CPE: variants seen among roughly 807,000 people sequenced by gnomAD.
The protein encoded by CPE is carboxypeptidase E.
A neutral mutation model predicts 53.5 loss-of-function variants in CPE; 17 were observed. The ratio of observed to expected loss-of-function variants is 0.32; its 90% CI spans 0.22 to 0.48. CPE has a LOEUF of 0.48. Among genes scored for constraint, CPE ranks in the 20% least tolerant of loss-of-function variants. The pLI is 0.99. For synonymous variants in CPE, 226 were observed against 228.8 expected, an observed-to-expected ratio of 0.99 and a Z score of 0.11; for missense variants, 524 against 614.7, an observed-to-expected ratio of 0.85 and a Z score of 1.56.
chr4:165,438,468 C>T (rs1731550524), intron 1 of CPE, among the ~76,000 whole-genome samples: 1 of 152,068 alleles, frequency 6.6e-6, no homozygotes, highest in South Asian at 2.1e-4. Context: ...GGCACAATTT[C>T]CCCCTCCATT....
chr4:165,486,234 G>A (rs575762593), intron 5 of CPE, among the ~76,000 whole-genome samples: 1 of 152,082 alleles, frequency 6.6e-6, no homozygotes, highest in African/African-American at 2.4e-5. Flanking sequence ...AGCTCTAACA[G>A]CCAACACCTG....
At chr4:165,401,245 C>T (rs1318851805) in intron 1 of CPE, among the ~76,000 whole-genome samples, 2 of 152,194 alleles carry the variant, frequency 1.3e-5, no homozygotes, top group Non-Finnish European at 2.9e-5. Flanking sequence ...CTTCGTTACA[C>T]GCCTTTTCCA....
chr4:165,488,784 A>G (rs893112115), intron 6 of CPE, among the ~76,000 whole-genome samples: 2 of 152,188 alleles, frequency 1.3e-5, no homozygotes, highest in African/African-American at 4.8e-5. Flanking sequence ...TTTCTCCACC[A>G]TTGCAAGGCT....
chr4:165,387,997 A>G (rs998806068), intron 1 of CPE, among the ~76,000 whole-genome samples: 2 of 152,194 alleles, frequency 1.3e-5, no homozygotes, highest in African/African-American at 2.4e-5. Context: ...TATTTGCTCA[A>G]TGTAGGCAAC....
chr4:165,412,163 G>C (rs1398458566), intron 1 of CPE, among the ~76,000 whole-genome samples: 2 of 152,076 alleles, frequency 1.3e-5, no homozygotes, highest in African/African-American at 4.8e-5. Context: ...TGTTTGAAAG[G>C]GTAAAGCACA....
intron 1 of CPE, among the ~76,000 whole-genome samples, chr4:165,383,761 G>A (rs887132093): frequency 1.3e-5 from 2 of 152,160 alleles, no homozygotes; most frequent in African/African-American, 2.4e-5. Context: ...TTTGTATGGC[G>A]TCTTTTTATA....
chr4:165,454,112 C>T (rs1731859782), intron 1 of CPE, among the ~76,000 whole-genome samples: 3 of 152,054 alleles, frequency 2.0e-5, no homozygotes, highest in African/African-American at 7.2e-5. Context: ...CAACTTGGCT[C>T]ACAAATTTCC....
intron 1 of CPE, among the ~76,000 whole-genome samples, chr4:165,459,035 T>A (rs1323222868): frequency 1.3e-5 from 2 of 152,250 alleles, no homozygotes; most frequent in Non-Finnish European, 2.9e-5. Context: ...GGAACATTGC[T>A]AACTTGCCTC....
intron 3 of CPE, among the ~76,000 whole-genome samples, chr4:165,480,610 TG>T (rs1211351198): frequency 6.6e-6 from 1 of 151,964 alleles, no homozygotes; most frequent in Non-Finnish European, 1.5e-5. Context: ...ATCTGTAGGG[TG>T]GGGGAAAATG....
rs1363484864 is a variant in CPE, at chr4:165,459,686, G to GGGTGGT, written c.308-4702_308-4701insTGGTGG. 2.6e-5 allele frequency among the ~76,000 whole-genome samples: 3 copies of GGGTGGT among 116,800 alleles called. No individual in the cohort carries two copies. In the East Asian group the frequency reaches 8.8e-4, roughly 34 times the overall value. 76.6% of individuals were successfully genotyped at this position (116,800 alleles called of 152,430 possible). On this transcript the variant is annotated intron_variant, in intron 1 of 8. Transcript: ENST00000402744. The stretch of plus-strand genomic sequence containing the variant: ...TGGGAGGGCTGGGTGGGGGGGGGCG[G>GGGTGGT]GGCAGATCATGAGGTCAGGAGGAGT...
At chr4:165,405,403 A>T in intron 1 of CPE, 1 of 974,632 alleles carries the variant, frequency 1.0e-6, no homozygotes, top group South Asian at 1.3e-5. Context: ...ATTCAGAGAG[A>T]TAACCAGCAT....
At chr4:165,404,970 C>T (rs1730929310) in intron 1 of CPE, 1 of 757,026 alleles carries the variant, frequency 1.3e-6, no homozygotes, top group Non-Finnish European at 2.5e-6. Context: ...ATCACTGCTT[C>T]TACTTCCTTT....
intron 3 of CPE, among the ~76,000 whole-genome samples, chr4:165,469,872 C>A (rs1215470642): frequency 1.3e-5 from 2 of 152,140 alleles, no homozygotes; most frequent in African/African-American, 4.8e-5. Flanking sequence ...GGAATCCAGA[C>A]AAGTGTTCAT....
At chr4:165,433,977 G>A (rs1486695169) in intron 1 of CPE, among the ~76,000 whole-genome samples, 11 of 151,946 alleles carry the variant, frequency 7.2e-5, no homozygotes, top group Admixed American at 4.6e-4. Context: ...ACCTTTGCAC[G>A]AGCTGTTTTA....
intron 3 of CPE, among the ~76,000 whole-genome samples, chr4:165,479,684 T>TA (rs1190281858): frequency 2.0e-5 from 3 of 152,170 alleles, no homozygotes; most frequent in Admixed American, 6.5e-5. Flanking sequence ...AGGTCAGAGC[T>TA]AATTTTTTTT....
chr4:165,467,656 A>G, intron 2 of CPE, 32 bp from the exon 3 acceptor site: 2 of 1,565,254 alleles, frequency 1.3e-6, no homozygotes, highest in South Asian at 1.2e-5. Context: ...TAAGCAACTA[A>G]TGATTTTTCT....
At chr4:165,481,233 C>T (rs906004474) in intron 3 of CPE, among the ~76,000 whole-genome samples, 10 of 152,110 alleles carry the variant, frequency 6.6e-5, no homozygotes, top group Admixed American at 3.3e-4. Flanking sequence ...CTTAGATATG[C>T]TATTTAACAC....
At chr4:165,404,408 G>A in intron 1 of CPE, 1 of 764,680 alleles carries the variant, frequency 1.3e-6, no homozygotes, top group Non-Finnish European at 2.4e-6. Context: ...GTTCATGTCA[G>A]AATTCAAATT....
At chr4:165,478,358 G>T (rs192972350) in intron 3 of CPE, among the ~76,000 whole-genome samples, 134 of 152,114 alleles carry the variant, frequency 8.8e-4, no homozygotes, top group African/African-American at 3.0e-3. Context: ...ATAGTCAAAG[G>T]GAAATTTAGT....
Sources: gnomAD v4.1 joint callset for allele counts (sites outside exome capture counted in the v4.1 genomes callset) on GRCh38, gnomAD v4.1.1 for gene constraint, MANE v1.5 for transcripts, NCBI Gene and HGNC (gene_info 2026-07-23, HGNC 2026-07-21) for gene names.